Variants in SLC2A13 observed in about 807,000 individuals in gnomAD.
The protein encoded by SLC2A13 is proton myo-inositol cotransporter.
In SLC2A13, 32 loss-of-function variants were observed where a neutral mutation model predicts 64.4. The observed-to-expected ratio is 0.50, with a 90% CI of 0.37 to 0.67. The LOEUF (loss-of-function observed/expected upper bound fraction) is 0.67, where lower values mean the gene tolerates loss of function less well. Among genes scored for constraint, SLC2A13 ranks in the 30% least tolerant of loss-of-function variants. The pLI is 0.00. For synonymous variants in SLC2A13, 338 were observed against 327.1 expected (o/e 1.03, Z -0.36); for missense variants, 743 against 829.2 (o/e 0.90, Z 1.28).
At chr12:39,957,686 G>C (rs1003719526) in intron 3 of SLC2A13, among the ~76,000 whole-genome samples, 4 of 152,048 alleles carry the variant, frequency 2.6e-5, no homozygotes, top group African/African-American at 9.7e-5. Context: ...TGCTATCAGG[G>C]GAGCCTTTCA....
intron 7 of SLC2A13, among the ~76,000 whole-genome samples, chr12:39,785,619 G>A (rs747512989): frequency 6.6e-6 from 1 of 152,136 alleles, no homozygotes; most frequent in Non-Finnish European, 1.5e-5. Context: ...ACCCCAGAAT[G>A]GTAGATCCAC....
chr12:39,895,567 C>CAT (rs1944747066), intron 4 of SLC2A13, among the ~76,000 whole-genome samples: 1 of 127,214 alleles, frequency 7.9e-6, no homozygotes, highest in African/African-American at 3.0e-5. Context: ...CACACACACA[C>CAT]GTGTATATGT....
At chr12:40,000,143 C>T (rs1263720217) in intron 3 of SLC2A13, among the ~76,000 whole-genome samples, 1 of 152,206 alleles carries the variant, frequency 6.6e-6, no homozygotes, top group Non-Finnish European at 1.5e-5. Context: ...TAAGCCATGA[C>T]TTACCCTCCT....
chr12:39,870,546 A>C (rs1944020581), intron 5 of SLC2A13, among the ~76,000 whole-genome samples: 1 of 152,210 alleles, frequency 6.6e-6, no homozygotes, highest in Non-Finnish European at 1.5e-5. Context: ...TTCTGCCTTT[A>C]GTCTGTTCTC....
At chr12:39,879,331 C>A (rs1944283375) in intron 4 of SLC2A13, among the ~76,000 whole-genome samples, 2 of 152,172 alleles carry the variant, frequency 1.3e-5, no homozygotes, top group Admixed American at 6.5e-5. Flanking sequence ...ATCCTCTAGA[C>A]CCCAGAATGG....
intron 1 of SLC2A13, among the ~76,000 whole-genome samples, chr12:40,083,116 T>C (rs1230351388): frequency 1.1e-4 from 16 of 152,184 alleles, no homozygotes; most frequent in Admixed American, 1.0e-3. Flanking sequence ...GGAGATAGAC[T>C]GGGACTGTGT....
chr12:40,100,475 T>C (rs1262310369), intron 1 of SLC2A13, among the ~76,000 whole-genome samples: 2 of 152,250 alleles, frequency 1.3e-5, no homozygotes, highest in Non-Finnish European at 2.9e-5. Flanking sequence ...GCTCTTGTAC[T>C]TTGTGTTTTC....
intron 6 of SLC2A13, among the ~76,000 whole-genome samples, chr12:39,834,623 T>C (rs117741438): frequency 0.015 from 2,322 of 152,092 alleles, 27 homozygotes; most frequent in Middle Eastern, 0.024. Context: ...AGGTCAAGTA[T>C]CAAAAAGTGT....
chr12:39,997,763 G>A (rs548053035), intron 3 of SLC2A13, among the ~76,000 whole-genome samples: 54 of 152,186 alleles, frequency 3.5e-4, no homozygotes, highest in African/African-American at 7.0e-4. Context: ...CCTGGGAGGC[G>A]GAGTTTGCGG....
intron 2 of SLC2A13, among the ~76,000 whole-genome samples, chr12:40,044,615 T>C (rs900270900): frequency 1.3e-5 from 2 of 152,130 alleles, no homozygotes; most frequent in African/African-American, 4.8e-5. Flanking sequence ...GCCAGAAAAA[T>C]AGCAACATTG....
intron 7 of SLC2A13, among the ~76,000 whole-genome samples, chr12:39,779,488 T>A (rs1940900033): frequency 6.6e-6 from 1 of 152,112 alleles, no homozygotes. Flanking sequence ...CCCTTTTCCT[T>A]CCCCAGGCGT....
At chr12:39,969,499 G>C (rs1380822535) in intron 3 of SLC2A13, among the ~76,000 whole-genome samples, 1 of 152,168 alleles carries the variant, frequency 6.6e-6, no homozygotes, top group African/African-American at 2.4e-5. Flanking sequence ...ATTCTAACTG[G>C]TGTGAGATGA....
intron 4 of SLC2A13, among the ~76,000 whole-genome samples, chr12:39,931,715 A>T (rs1482319814): frequency 2.0e-5 from 3 of 152,204 alleles, no homozygotes; most frequent in African/African-American, 7.2e-5. Context: ...ATTCCAATTT[A>T]ACTTTTAAAT....
intron 4 of SLC2A13, among the ~76,000 whole-genome samples, chr12:39,943,417 C>G (rs532254045): frequency 2.0e-5 from 3 of 152,222 alleles, no homozygotes; most frequent in African/African-American, 7.2e-5. Context: ...AAGGCCCTGA[C>G]TGGGGCTGCT....
intron 7 of SLC2A13, among the ~76,000 whole-genome samples, chr12:39,796,696 A>G (rs964061458): frequency 3.9e-5 from 6 of 152,146 alleles, no homozygotes; most frequent in African/African-American, 1.4e-4. Flanking sequence ...AGAATATAAT[A>G]TGATTGAAAT....
intron 3 of SLC2A13, among the ~76,000 whole-genome samples, chr12:39,971,598 C>G (rs1946646560): frequency 6.6e-6 from 1 of 151,922 alleles, no homozygotes; most frequent in Non-Finnish European, 1.5e-5. Flanking sequence ...CAGTTGCTTC[C>G]TCCCATTACC....
chr12:40,098,310 T>C (rs1025647409), intron 1 of SLC2A13, among the ~76,000 whole-genome samples: 2 of 151,836 alleles, frequency 1.3e-5, no homozygotes, highest in Non-Finnish European at 2.9e-5. Context: ...AAACAGAAGG[T>C]AGAAAGGTGG....
rs1039468938 is a variant in SLC2A13 at position 39,837,257 on chromosome 12, T to C, written c.1320-7029A>G. ...AATGGGGAAAGGATTCCCTATTTAA[T>C]AAATGGTGCTGGGAAAACTGGCTAG... On this transcript the variant is annotated intron_variant, in intron 6 of 9. Coordinates refer to ENST00000280871, the MANE Select transcript of SLC2A13 (RefSeq NM_052885.4). Among the ~76,000 whole-genome samples, 5 of 150,702 alleles carry C rather than the reference T, an allele frequency of 3.3e-5. 1 individual carries two copies. The highest frequency in any genetic ancestry group is 1.2e-4 in the African/African-American group (5 of 40,924).
At chr12:39,940,336 C>T (rs1945997728) in intron 4 of SLC2A13, among the ~76,000 whole-genome samples, 1 of 144,770 alleles carries the variant, frequency 6.9e-6, no homozygotes, top group Admixed American at 6.8e-5. Context: ...TTATTTCCTG[C>T]CACCTTTATT....
Sources: gnomAD v4.1 joint callset for allele counts (sites outside exome capture counted in the v4.1 genomes callset) on GRCh38, gnomAD v4.1.1 for gene constraint, MANE v1.5 for transcripts, NCBI Gene and HGNC (gene_info 2026-07-23, HGNC 2026-07-21) for gene names.